The following TAOK1 variants were observed in gnomAD, a reference collection of about 807,000 sequenced individuals.
TAOK1 encodes TAO kinase 1.
In TAOK1, 21 loss-of-function variants were observed where a neutral mutation model predicts 138.3. The observed-to-expected ratio is 0.15, with a 90% confidence interval of 0.11 to 0.22. The LOEUF (loss-of-function observed/expected upper bound fraction) is 0.22, where lower values mean the gene tolerates loss of function less well. Ranked by LOEUF, TAOK1 falls within the 10% of genes least tolerant of loss-of-function variation. The pLI is 1.00. For synonymous variants in TAOK1, 361 were observed against 398.4 expected, an observed-to-expected ratio of 0.91 and a Z score of 1.12; for missense variants, 651 against 1,227.7, an observed-to-expected ratio of 0.53 and a Z score of 7.02.
intron 2 of TAOK1, among the ~76,000 whole-genome samples, chr17:29,463,628 C>G (rs2030583557): frequency 6.6e-6 from 1 of 150,928 alleles, no homozygotes; most frequent in South Asian, 2.1e-4. Flanking sequence ...ACAGTTAAAA[C>G]TATAATACTC....
At position 29,542,893 on chromosome 17, in the gene TAOK1, T is replaced by C; in HGVS notation, c.2877T>C (p.Ser959=). The C allele has an allele frequency of 6.2e-7, 1 of 1,613,886 alleles. No individual in the cohort carries two copies. Among genetic ancestry groups the C allele is most frequent in the South Asian group, 1.1e-5 (1 of 91,072 alleles). Reference sequence around the variant, plus strand: ...TGCAAGGGGTACCTCGAGGTAGCAGTATGGGAGTCCGCAATAGCCCCCAGG... The same window carrying C: ...TGCAAGGGGTACCTCGAGGTAGCAGCATGGGAGTCCGCAATAGCCCCCAGG... The part of the protein sequence containing the change: ...GPMQGVPRGS[S]MGVRNSPQAL... The change falls in exon 20 of 20, where the codon AGT becomes AGC. Residue 959 remains serine, a synonymous_variant. Coordinates refer to ENST00000261716, the MANE Select transcript of TAOK1 (RefSeq NM_020791.4).
intron 10 of TAOK1, among the ~76,000 whole-genome samples, chr17:29,494,477 CTT>C (rs1264562419): frequency 2.6e-5 from 4 of 151,932 alleles, no homozygotes; most frequent in South Asian, 4.1e-4. Flanking sequence ...AGTTACAACT[CTT>C]TGCATAAAAA....
intron 17 of TAOK1, among the ~76,000 whole-genome samples, chr17:29,528,074 G>A (rs1321483714): frequency 1.3e-5 from 2 of 152,120 alleles, no homozygotes; most frequent in Admixed American, 6.6e-5. Context: ...TTTTGAGACA[G>A]AGTCTCACTC....
chr17:29,474,564 A>G (rs2153026355), intron 3 of TAOK1, among the ~76,000 whole-genome samples: 1 of 152,296 alleles, frequency 6.6e-6, no homozygotes, highest in African/African-American at 2.4e-5. Context: ...AGGGAGACAG[A>G]CTGGGGAATG....
chr17:29,512,283 C>T (rs987264464), intron 15 of TAOK1: 2 of 151,670 alleles, frequency 1.3e-5, no homozygotes, highest in African/African-American at 4.9e-5. Flanking sequence ...TGGTTTCAAA[C>T]TCCTGACCTC....
chr17:29,411,003 CTTACATATTGGTATAAGACTTATCTCCT>C (rs1394638476), intron 1 of TAOK1, among the ~76,000 whole-genome samples: 3 of 151,710 alleles, frequency 2.0e-5, no homozygotes, highest in Non-Finnish European at 4.4e-5. Flanking sequence ...TTCAGTTCCC[CTTACATATTGGTATAAGACTTATCTCCT>C]TATGTAATAT....
intron 1 of TAOK1, among the ~76,000 whole-genome samples, chr17:29,428,551 T>C (rs190411625): frequency 2.0e-5 from 3 of 152,290 alleles, no homozygotes; most frequent in Admixed American, 2.0e-4. Context: ...AGTAGCTATA[T>C]GATAGTGAGC....
At chr17:29,469,511 T>C (rs1206778164) in intron 3 of TAOK1, among the ~76,000 whole-genome samples, 3 of 152,156 alleles carry the variant, frequency 2.0e-5, no homozygotes, top group African/African-American at 7.2e-5. Flanking sequence ...CTACTTTCTG[T>C]CTCCATAAAT....
At chr17:29,499,230 T>A (rs1240755948) in intron 12 of TAOK1, among the ~76,000 whole-genome samples, 1 of 36,632 alleles carries the variant, frequency 2.7e-5, no homozygotes, top group African/African-American at 2.4e-4. Context: ...TGTTTATATC[T>A]TTTTTTTTTT....
In TAOK1 at chr17:29,491,881, G is replaced by GTTTA; in HGVS notation, c.831+28_831+31dup. 2 of 1,574,892 alleles carry GTTTA rather than the reference G, an allele frequency of 1.3e-6. No individual in the cohort carries two copies. Among genetic ancestry groups the GTTTA allele is most frequent in the East Asian group, 2.2e-5 (1 of 44,622 alleles). ...ACTTTTAAAGGTCAGTTCTATTATA[G>GTTTA]TTTATTTATTTATTTTATTTTAAGA... is the stretch of plus-strand genomic sequence containing the variant. On this transcript the variant is annotated intron_variant, in intron 10 of 19. Transcript: ENST00000261716.
chr17:29,497,092 T>C (rs2031429429), intron 11 of TAOK1, among the ~76,000 whole-genome samples: 1 of 140,850 alleles, frequency 7.1e-6, no homozygotes, highest in East Asian at 1.9e-4. Context: ...AATATACATA[T>C]TAAGTATATT....
intron 8 of TAOK1, among the ~76,000 whole-genome samples, chr17:29,487,075 C>T (rs952809159): frequency 6.6e-6 from 1 of 151,816 alleles, no homozygotes; most frequent in Non-Finnish European, 1.5e-5. Flanking sequence ...ATGGTGAAAC[C>T]CCGTCTCTAC....
intron 19 of TAOK1, among the ~76,000 whole-genome samples, chr17:29,534,715 T>C (rs2032192071): frequency 6.6e-6 from 1 of 152,220 alleles, no homozygotes; most frequent in Non-Finnish European, 1.5e-5. Flanking sequence ...ATCAGGAATA[T>C]TACCTTACTC....
At chr17:29,428,417 A>G (rs946142515) in intron 1 of TAOK1, among the ~76,000 whole-genome samples, 4 of 152,192 alleles carry the variant, frequency 2.6e-5, no homozygotes, top group Non-Finnish European at 4.4e-5. Flanking sequence ...GAAAAATGCC[A>G]TAGAGGTAGA....
chr17:29,468,053 C>T (rs1370929081), intron 3 of TAOK1, among the ~76,000 whole-genome samples: 2 of 150,762 alleles, frequency 1.3e-5, no homozygotes, highest in Non-Finnish European at 2.9e-5. Flanking sequence ...TCTCAAACTC[C>T]TGACTTCAGG....
At chr17:29,539,975 A>G (rs1598531457) in intron 19 of TAOK1, among the ~76,000 whole-genome samples, 1 of 152,228 alleles carries the variant, frequency 6.6e-6, no homozygotes, top group African/African-American at 2.4e-5. Flanking sequence ...GATGTACTCT[A>G]TAGCGGAGGG....
intron 13 of TAOK1, among the ~76,000 whole-genome samples, chr17:29,505,833 C>A (rs1445207818): frequency 6.6e-6 from 1 of 151,946 alleles, no homozygotes; most frequent in Non-Finnish European, 1.5e-5. Flanking sequence ...TACTCAGGAG[C>A]CTGAGGTGGG....
chr17:29,525,098 T>TG (rs1305870180), intron 17 of TAOK1, among the ~76,000 whole-genome samples: 1 of 67,022 alleles, frequency 1.5e-5, no homozygotes, highest in Non-Finnish European at 5.4e-5. Context: ...ACAATGTTTG[T>TG]TTTTTTTGTT....
At chr17:29,408,781 T>G (rs1355866023) in intron 1 of TAOK1, among the ~76,000 whole-genome samples, 3 of 151,872 alleles carry the variant, frequency 2.0e-5, no homozygotes, top group African/African-American at 7.3e-5. Flanking sequence ...GGCACAGTCT[T>G]CGCTCACTGC....
Sources: allele counts gnomAD v4.1 joint callset (sites outside exome capture counted in the v4.1 genomes callset), GRCh38; gene constraint gnomAD v4.1.1; transcripts MANE v1.5; gene names NCBI Gene and HGNC (gene_info 2026-07-23, HGNC 2026-07-21).